Variants in KLF10 observed in about 807,000 individuals in gnomAD.
KLF10 encodes the protein Krueppel-like factor 10.
Under a neutral mutation model 31.6 loss-of-function variants are expected in KLF10, and 17 were observed. That is an observed-to-expected ratio of 0.54 (90% CI 0.37 to 0.81). KLF10 has a LOEUF of 0.81. Ranked by LOEUF, KLF10 falls within the 30% of genes least tolerant of loss-of-function variation. The pLI is 0.00. For synonymous variants in KLF10, 239 were observed against 215.1 expected (o/e 1.11, Z -0.97); for missense variants, 525 against 598.1 (o/e 0.88, Z 1.27).
rs1185756591 is a variant in KLF10, at chr8:102,649,184, A to G, written c.*948T>C. On this transcript the variant is annotated 3_prime_UTR_variant, in exon 4 of 4. Coordinates refer to ENST00000285407, the MANE Select transcript of KLF10 (RefSeq NM_005655.4). Reference sequence around the variant, plus strand: ...TAATGGTCACTAATTTTCTAATTCAATAAAGCACACATTATATCCTCATAA... The same window carrying G: ...TAATGGTCACTAATTTTCTAATTCAGTAAAGCACACATTATATCCTCATAA... 1.3e-5 allele frequency: 2 copies of G among 152,692 alleles called. No individual in the cohort carries two copies. The highest frequency in any genetic ancestry group is 4.8e-5 in the African/African-American group (2 of 41,466). The allele number at this position is 152,692 out of a possible 1,614,324, so 9.5% of individuals were successfully genotyped here. A position where few individuals can be genotyped will look rare whatever the true frequency, so the allele number is the denominator to read the frequency against.
Position 102,652,192 on chromosome 8 carries a change from GT to G in KLF10, c.241del (p.Thr81HisfsTer12). The G allele has an allele frequency of 6.2e-7, 1 of 1,601,702 alleles. No individual in the cohort carries two copies. Among genetic ancestry groups the G allele is most frequent in the Non-Finnish European group, 8.5e-7 (1 of 1,172,120 alleles). ...TGCTGGGATTGTATGAAAATCAGGT[GT>G]TCCCGGAAGCAGATTCTCTTCCTCT... Reference protein sequence around the residue: ...LSEEENLLPGTPDFHTIPAFC... With the variant: ...LSEEENLLPGXPDFHTIPAFC... On this transcript the variant is annotated frameshift_variant, in exon 2 of 4. Transcript: ENST00000285407. LOFTEE classifies it high-confidence loss of function.
Position 102,652,054 on chromosome 8 carries a change from G to C in KLF10, c.278C>G (p.Thr93Ser). Residue 93 changes from threonine to serine, a missense_variant, in exon 3 of 4, where the codon ACT becomes AGT. Thr to Ser is a moderately conservative substitution (Grantham distance 58). Transcript: ENST00000285407. ...AAAGTCAGAAGGACTGTAAGGTGGA[G>C]TCAAACACTAAAGAAAAGGGAAATA... ...DFHTIPAFCL[T>S]PPYSPSDFEP... The C allele has an allele frequency of 6.3e-7, 1 of 1,588,084 alleles. No individual in the cohort carries two copies. Among genetic ancestry groups the C allele is most frequent in the Non-Finnish European group, 8.5e-7 (1 of 1,170,040 alleles).
chr8:102,654,314 C>T (rs973560445), intron 1 of KLF10: 1 of 146,836 alleles, frequency 6.8e-6, no homozygotes. Flanking sequence ...GCTGCGGGCG[C>T]CAGGCTCCGG....
At position 102,651,134 on chromosome 8, in the gene KLF10, A is replaced by G; in HGVS notation, c.1183+15T>C. 6.7e-7 allele frequency: 1 copy of G among 1,495,006 alleles called. No individual in the cohort carries two copies. The highest frequency in any genetic ancestry group is 1.4e-5 in the African/African-American group (1 of 71,394). The allele number at this position is 1,495,006 out of a possible 1,614,324, so 92.6% of individuals were successfully genotyped here. A position where few individuals can be genotyped will look rare whatever the true frequency, so the allele number is the denominator to read the frequency against. On this transcript the variant is annotated intron_variant, in intron 3 of 3. Transcript: ENST00000285407. ...TCTTCATTTAAACACTAAAGATATA[A>G]GAAGTGGCTGGTACCTGTGTGCGTC...
chr8:102,650,773 T>TA (rs1563959621), intron 3 of KLF10, among the ~76,000 whole-genome samples: 1 of 152,218 alleles, frequency 6.6e-6, no homozygotes, highest in African/African-American at 2.4e-5. Flanking sequence ...TTCAAAGGCT[T>TA]TAAAGATACC....
Position 102,651,947 on chromosome 8 carries a change from G to A in KLF10, c.385C>T (p.His129Tyr). The A allele has an allele frequency of 2.5e-6, 4 of 1,614,064 alleles. No individual in the cohort carries two copies. The highest frequency in any genetic ancestry group is 3.4e-6 in the Non-Finnish European group (4 of 1,180,036). The change falls in exon 3 of 4, where the codon CAC becomes TAC. Residue 129 changes from histidine (H) to tyrosine (Y), a missense_variant. Around this residue, in one of 3 missense-constraint regions of KLF10, gnomAD observed 434 missense variants for 450.7 expected, o/e 0.96. Coordinates refer to ENST00000285407, the MANE Select transcript of KLF10 (RefSeq NM_005655.4). ...TCCTCTTTGAAAGGTGCGGCAATGT[G>A]AGGTTTGGCAGTATCTGAGAGTGAC... Reference protein sequence around the residue: ...FKSLSDTAKPHIAAPFKEEEK... With the variant: ...FKSLSDTAKPYIAAPFKEEEK...
Position 102,652,407 on chromosome 8 carries a change from C to T in KLF10, c.37-10G>A, listed in dbSNP as rs1333226254. 6.7e-7 allele frequency: 1 copy of T among 1,488,172 alleles called. No individual in the cohort carries two copies. Among genetic ancestry groups the T allele is most frequent in the Admixed American group, 1.9e-5 (1 of 52,716 alleles). The allele number at this position is 1,488,172 out of a possible 1,614,324, so 92.2% of individuals were successfully genotyped here. A position where few individuals can be genotyped will look rare whatever the true frequency, so the allele number is the denominator to read the frequency against. ...TTTCCATTCTTTCCTCCTATAAAAA[C>T]AAAAGAGGAAAGCTTATAAGCATAT... On this transcript the variant is annotated splice_polypyrimidine_tract_variant and intron_variant, in intron 1 of 3. Coordinates refer to ENST00000285407, the MANE Select transcript of KLF10 (RefSeq NM_005655.4).
chr8:102,653,796 G>A (rs944147012), intron 1 of KLF10: 8 of 1,048,816 alleles, frequency 7.6e-6, no homozygotes, highest in Non-Finnish European at 9.2e-6. Context: ...CGTGAGCTGG[G>A]AAGGACAGGA....
In KLF10 at chr8:102,651,636, A is replaced by T; in HGVS notation, c.696T>A (p.Ser232=). ...EKASAALYDF[S]VPSSETVICR... ...AGATGACCGTCTCTGAGGAAGGCAC[A>T]GAAAAGTCATAAAGTGCAGCACTTG... Residue 232 remains serine, a synonymous_variant, in exon 3 of 4, where the codon TCT becomes TCA. Coordinates refer to ENST00000285407, the MANE Select transcript of KLF10 (RefSeq NM_005655.4). 1 of 1,614,274 alleles carries T rather than the reference A, an allele frequency of 6.2e-7. No individual in the cohort carries two copies. The highest frequency in any genetic ancestry group is 8.5e-7 in the Non-Finnish European group (1 of 1,180,048).
chr8:102,654,136 G>C (rs1365559669), intron 1 of KLF10: 2 of 177,402 alleles, frequency 1.1e-5, no homozygotes, highest in East Asian at 1.9e-4. Flanking sequence ...CGTGATCAGC[G>C]GCTGCTCCGG....
intron 2 of KLF10, 39 bp downstream of exon 2, chr8:102,652,125 T>C (rs1563960539): frequency 6.8e-7 from 1 of 1,480,434 alleles, no homozygotes; most frequent in African/African-American, 1.4e-5. Context: ...TTTAAGAAAT[T>C]ATATAATTTA....
At position 102,655,566 on chromosome 8, in the gene KLF10, C is replaced by T; in HGVS notation, c.36G>A (p.Ala12=). The T allele has an allele frequency of 2.5e-6, 4 of 1,614,150 alleles. No individual in the cohort carries two copies. Among genetic ancestry groups the T allele is most frequent in the Non-Finnish European group, 1.7e-6 (2 of 1,180,002 alleles). ...ACAGGGGCATCCCCAAATGACTTAC[C>T]GCAGTCTGCTGGAGAGAGGCACCGA... ...LNFGASLQQT[A]EERMEMISER... The change falls in exon 1 of 4, where the codon GCG becomes GCA. Residue 12 remains alanine, a splice_region_variant and synonymous_variant. Coordinates refer to ENST00000285407, the MANE Select transcript of KLF10 (RefSeq NM_005655.4).
At position 102,651,208 on chromosome 8, in the gene KLF10, C is replaced by G; in HGVS notation, c.1124G>C (p.Gly375Ala). ...ACTTTTAAAGTATGTCTTGCCACAT[C>G]CTGGGTGGCTACAGATGTGACTCCT... Reference protein sequence around the residue: ...RIRSHICSHPGCGKTYFKSSH... With the variant: ...RIRSHICSHPACGKTYFKSSH... Residue 375 changes from glycine (G) to alanine (A), a missense_variant, in exon 3 of 4, where the codon GGA becomes GCA. Around this residue, in one of 3 missense-constraint regions of KLF10, gnomAD observed 49 missense variants for 105.0 expected, o/e 0.47. Coordinates refer to ENST00000285407, the MANE Select transcript of KLF10 (RefSeq NM_005655.4). 6.5e-7 allele frequency: 1 copy of G among 1,540,056 alleles called. No homozygotes were observed. Among genetic ancestry groups the G allele is most frequent in the Non-Finnish European group, 8.7e-7 (1 of 1,143,286 alleles).
Position 102,650,278 on chromosome 8 carries a change from T to A in KLF10, c.1297A>T (p.Met433Leu). The A allele has an allele frequency of 6.2e-7, 1 of 1,614,196 alleles. No individual in the cohort carries two copies. The highest frequency in any genetic ancestry group is 8.5e-7 in the Non-Finnish European group (1 of 1,180,036). ...CTCCTCATGAACCGCCGGTCACACA[T>A]GGGGCACGCAAATTTCTTCTCACCC... ...HTGEKKFACP[M>L]CDRRFMRSDH... Residue 433 changes from methionine (M) to leucine (L), a missense_variant, in exon 4 of 4, where the codon ATG becomes TTG. By Grantham distance (15) the Met-to-Leu change is conservative. This residue lies in a region of KLF10 where 49 missense variants were observed against 105.0 expected (regional missense o/e 0.47). Coordinates refer to ENST00000285407, the MANE Select transcript of KLF10 (RefSeq NM_005655.4).
intron 1 of KLF10, among the ~76,000 whole-genome samples, chr8:102,654,746 C>G (rs989372604): frequency 5.9e-5 from 9 of 151,742 alleles, no homozygotes; most frequent in South Asian, 2.1e-4. Context: ...ACGCGCGGCC[C>G]CCGCGTCTCG....
intron 3 of KLF10, 65 bp downstream of exon 3, chr8:102,651,084 T>G: frequency 7.2e-7 from 1 of 1,396,816 alleles, no homozygotes. Context: ...ATCCTGGGTT[T>G]AAATGTGTGA....
At position 102,651,318 on chromosome 8, in the gene KLF10, G is replaced by A. The variant is rs756305942; in HGVS notation, c.1014C>T (p.Gly338=). The change falls in exon 3 of 4, where the codon GGC becomes GGT. Residue 338 remains glycine, a synonymous_variant. Coordinates refer to ENST00000285407, the MANE Select transcript of KLF10 (RefSeq NM_005655.4). ...SSKPPVVSPN[G]TRLSPIAPAP... The stretch of plus-strand genomic sequence containing the variant: ...CAGGGGCAATGGGAGAGAGTCTGGT[G>A]CCATTCGGGCTCACCACCGGAGGCT... 6.3e-7 allele frequency: 1 copy of A among 1,599,912 alleles called. No individual in the cohort carries two copies.
rs534246869 is a variant in KLF10 at position 102,650,060 on chromosome 8, G to A, written c.*72C>T. 4 of 1,545,592 alleles carry A rather than the reference G, an allele frequency of 2.6e-6. No individual in the cohort carries two copies. Among genetic ancestry groups the A allele is most frequent in the Non-Finnish European group, 3.5e-6 (4 of 1,140,086 alleles). On this transcript the variant is annotated 3_prime_UTR_variant, in exon 4 of 4. Coordinates refer to ENST00000285407, the MANE Select transcript of KLF10 (RefSeq NM_005655.4). ...CGTTGTGGGGCCACAGACTTGCAGT[G>A]GAAGCATTTTTACATCACCACTGGC... is the stretch of plus-strand genomic sequence containing the variant.
chr8:102,651,525 A>T lies in KLF10; in HGVS notation c.807T>A (p.Pro269=), dbSNP rs1302025434. The part of the protein sequence containing the change: ...PPAVSAGGVP[P]MPVICQMVPL... ...GAACCATCTGGCAGATGACCGGCAT[A>T]GGTGGCACTCCCCCTGCAGATACTG... is the stretch of plus-strand genomic sequence containing the variant. The change falls in exon 3 of 4, where the codon CCT becomes CCA. Residue 269 remains proline (P), a synonymous_variant. Coordinates refer to ENST00000285407, the MANE Select transcript of KLF10 (RefSeq NM_005655.4). 1.2e-6 allele frequency: 2 copies of T among 1,612,126 alleles called. No individual in the cohort carries two copies. The highest frequency in any genetic ancestry group is 2.2e-5 in the South Asian group (2 of 91,048).
Sources: allele counts gnomAD v4.1 joint callset (sites outside exome capture counted in the v4.1 genomes callset), GRCh38; gene constraint gnomAD v4.1.1; regional missense constraint gnomAD v4.1.1; transcripts MANE v1.5; gene names NCBI Gene and HGNC (gene_info 2026-07-23, HGNC 2026-07-21).